The following MTHFD1L variants were observed in gnomAD, a reference collection of about 807,000 sequenced individuals.
MTHFD1L encodes methylenetetrahydrofolate dehydrogenase (NADP+ dependent) 1 like, also known as monofunctional C1-tetrahydrofolate synthase, mitochondrial.
A neutral mutation model predicts 119.5 loss-of-function variants in MTHFD1L; 81 were observed. The observed-to-expected ratio is 0.68, with a 90% confidence interval of 0.57 to 0.82. The LOEUF is 0.82. MTHFD1L is among the 40% of genes least tolerant of loss of function. MTHFD1L has a pLI of 0.00. For synonymous variants in MTHFD1L, 430 were observed against 475.2 expected (o/e 0.90, Z 1.24); for missense variants, 1,125 against 1,253.4 (o/e 0.90, Z 1.55).
At chr6:150,979,316 T>C (rs925414447) in intron 20 of MTHFD1L, among the ~76,000 whole-genome samples, 6 of 151,826 alleles carry the variant, frequency 4.0e-5, no homozygotes, top group Non-Finnish European at 8.8e-5. Context: ...ATAACTATAT[T>C]GTACCAATAT....
chr6:151,075,864 A>T (rs1309697778), intron 26 of MTHFD1L, among the ~76,000 whole-genome samples: 1 of 152,234 alleles, frequency 6.6e-6, no homozygotes, highest in Non-Finnish European at 1.5e-5. Context: ...AAATATTTGC[A>T]AGTTATCTAT....
intron 24 of MTHFD1L, among the ~76,000 whole-genome samples, chr6:151,025,897 G>A (rs1223701302): frequency 6.6e-6 from 1 of 152,170 alleles, no homozygotes; most frequent in Admixed American, 6.5e-5. Flanking sequence ...ATTTTTCAGA[G>A]TTGCTGACTT....
At chr6:150,919,170 A>AG (rs1788482795) in intron 9 of MTHFD1L, among the ~76,000 whole-genome samples, 1 of 151,756 alleles carries the variant, frequency 6.6e-6, no homozygotes, top group South Asian at 2.1e-4. Context: ...AAAAAAAAAA[A>AG]GAAATACCTG....
At chr6:151,100,485 G>A (rs1795283238) in intron 27 of MTHFD1L, among the ~76,000 whole-genome samples, 1 of 152,076 alleles carries the variant, frequency 6.6e-6, no homozygotes, top group South Asian at 2.1e-4. Context: ...TCAGTGATCT[G>A]TGGGAGGCCA....
chr6:150,882,742 T>C lies in MTHFD1L; in HGVS notation c.418-20T>C. On this transcript the variant is annotated intron_variant, in intron 4 of 27. Transcript: ENST00000367321. ...TTTCACAAAACTAATTTTTATTTTG[T>C]TTTTTTGTTTTCTCTTTAGATTATA... 1.4e-6 allele frequency: 2 copies of C among 1,445,800 alleles called. No homozygotes were observed. Among genetic ancestry groups the C allele is most frequent in the African/African-American group, 1.5e-5 (1 of 66,774 alleles). 89.6% of individuals were successfully genotyped at this position (1,445,800 alleles called of 1,614,324 possible). A position where few individuals can be genotyped will look rare whatever the true frequency, so the allele number is the denominator to read the frequency against.
At chr6:150,942,989 C>G (rs1239983631) in intron 13 of MTHFD1L, among the ~76,000 whole-genome samples, 1 of 152,044 alleles carries the variant, frequency 6.6e-6, no homozygotes, top group Admixed American at 6.6e-5. Flanking sequence ...GTGATATTAT[C>G]AAGATCTCAA....
intron 26 of MTHFD1L, among the ~76,000 whole-genome samples, chr6:151,058,685 A>G (rs1047807395): frequency 6.6e-6 from 1 of 152,148 alleles, no homozygotes; most frequent in African/African-American, 2.4e-5. Flanking sequence ...CCCCTGCCTG[A>G]GTGGCTTGGC....
At chr6:151,016,297 T>C (rs765592003) in intron 24 of MTHFD1L, among the ~76,000 whole-genome samples, 8 of 151,802 alleles carry the variant, frequency 5.3e-5, no homozygotes, top group Non-Finnish European at 1.0e-4. Flanking sequence ...TCGTGAGGAT[T>C]GGGAAACCAT....
chr6:151,046,703 T>C (rs1788147404), intron 26 of MTHFD1L, among the ~76,000 whole-genome samples: 1 of 152,046 alleles, frequency 6.6e-6, no homozygotes, highest in Non-Finnish European at 1.5e-5. Flanking sequence ...CACTTTTCTC[T>C]TATTACACTT....
At chr6:150,900,741 C>G (rs2128826326) in intron 7 of MTHFD1L, among the ~76,000 whole-genome samples, 1 of 152,274 alleles carries the variant, frequency 6.6e-6, no homozygotes, top group African/African-American at 2.4e-5. Flanking sequence ...TGCGGCCGGG[C>G]GCGGTGGCTC....
chr6:150,945,569 A>G, intron 15 of MTHFD1L, 28 bp downstream of exon 15: 1 of 1,597,062 alleles, frequency 6.3e-7, no homozygotes, highest in Non-Finnish European at 8.6e-7. Context: ...AATTCTTTAA[A>G]AAGAAAATAT....
At chr6:151,069,960 G>T (rs1291412233) in intron 26 of MTHFD1L, among the ~76,000 whole-genome samples, 1 of 152,130 alleles carries the variant, frequency 6.6e-6, no homozygotes, top group Non-Finnish European at 1.5e-5. Context: ...CTTTTATGTT[G>T]ACGCAGAGGA....
At chr6:150,916,482 TTTTTTTTTTTTTTTTTTG>T (rs562478789) in intron 8 of MTHFD1L, among the ~76,000 whole-genome samples, 10,425 of 68,392 alleles carry the variant, frequency 0.15, 974 homozygotes, top group Admixed American at 0.24. Flanking sequence ...TTTTTTTTTT[TTTTTTTTTTTTTTTTTTG>T]GTATTTTTAG....
chr6:150,986,922 G>A (rs773981237), intron 20 of MTHFD1L, among the ~76,000 whole-genome samples: 5 of 151,918 alleles, frequency 3.3e-5, no homozygotes, highest in Non-Finnish European at 7.4e-5. Context: ...GGCTGGTCTC[G>A]AACTCCTGAC....
At chr6:151,002,388 A>G (rs77804362) in intron 20 of MTHFD1L, among the ~76,000 whole-genome samples, 4,278 of 152,272 alleles carry the variant, frequency 0.028, 89 homozygotes, top group South Asian at 0.056. Context: ...CACCTAGTAC[A>G]TTGCCTGGCT....
chr6:150,954,919 C>T (rs1419984162), intron 16 of MTHFD1L, among the ~76,000 whole-genome samples: 5 of 152,094 alleles, frequency 3.3e-5, no homozygotes, highest in Non-Finnish European at 7.4e-5. Flanking sequence ...AACTGAAATT[C>T]TAATAAGCCA....
At chr6:151,027,030 C>T (rs1050004872) in intron 24 of MTHFD1L, among the ~76,000 whole-genome samples, 1 of 151,880 alleles carries the variant, frequency 6.6e-6, no homozygotes, top group African/African-American at 2.4e-5. Flanking sequence ...GGGGTTTCAC[C>T]ATGTTGGCCA....
At chr6:150,893,531 G>C (rs1318070121) in intron 7 of MTHFD1L, among the ~76,000 whole-genome samples, 1 of 152,210 alleles carries the variant, frequency 6.6e-6, no homozygotes, top group Non-Finnish European at 1.5e-5. Flanking sequence ...TCTTTGACGG[G>C]CATTTCTGTT....
At chr6:150,910,830 G>A (rs1400842059) in intron 8 of MTHFD1L, among the ~76,000 whole-genome samples, 1 of 152,022 alleles carries the variant, frequency 6.6e-6, no homozygotes, top group Non-Finnish European at 1.5e-5. Flanking sequence ...CTCCATCTTG[G>A]CACAATATAC....
Sources: allele counts gnomAD v4.1 joint callset (sites outside exome capture counted in the v4.1 genomes callset), GRCh38; gene constraint gnomAD v4.1.1; transcripts MANE v1.5; gene names NCBI Gene and HGNC (gene_info 2026-07-23, HGNC 2026-07-21).